The following CCR3 variants were observed in gnomAD, a reference collection of about 807,000 sequenced individuals.
CCR3 encodes C-C chemokine receptor type 3.
For missense variants in CCR3, 419 were observed against 437.5 expected, an observed-to-expected ratio of 0.96 and a Z score of 0.38; for synonymous variants, 203 against 179.2, an observed-to-expected ratio of 1.13 and a Z score of -1.06.
chr3:46,211,379 G>A (rs1575481270), intron 2 of CCR3, among the ~76,000 whole-genome samples: 1 of 127,748 alleles, frequency 7.8e-6, no homozygotes, highest in African/African-American at 4.0e-5. Context: ...GAAAAAATAT[G>A]TATATATATA....
chr3:46,245,697 TC>T lies in CCR3; in HGVS notation c.-12+3161del, dbSNP rs1255698872. Among the ~76,000 whole-genome samples, 3 of 152,034 alleles carry T rather than the reference TC, an allele frequency of 2.0e-5. No homozygotes were observed. In the East Asian group the frequency reaches 5.8e-4, roughly 29 times the overall value. On this transcript the variant is annotated intron_variant, in intron 1 of 1. Transcript: ENST00000395940. Reference sequence around the variant, plus strand: ...TAGTAGCCAATACTTGTTTTTCTGCTCCTCTCCCTCCTCCCACTCTCAAGTA... The same window carrying T: ...TAGTAGCCAATACTTGTTTTTCTGCTCTCTCCCTCCTCCCACTCTCAAGTA...
At chr3:46,259,089 G>A (rs541411019) in intron 1 of CCR3, among the ~76,000 whole-genome samples, 1 of 152,202 alleles carries the variant, frequency 6.6e-6, no homozygotes, top group Non-Finnish European at 1.5e-5. Context: ...GAGTGGCTGT[G>A]CAGCAACATG....
At chr3:46,235,050 T>G (rs1189025299) in intron 2 of CCR3, among the ~76,000 whole-genome samples, 1 of 152,210 alleles carries the variant, frequency 6.6e-6, no homozygotes, top group Non-Finnish European at 1.5e-5. Flanking sequence ...GCTTTTAAAT[T>G]GGTCAGATTT....
Position 46,265,515 on chromosome 3 carries a change from C to A in CCR3, c.357C>A (p.Ser119Arg). The A allele has an allele frequency of 2.5e-6, 4 of 1,614,086 alleles. No individual in the cohort carries two copies. The highest frequency in any genetic ancestry group is 3.4e-6 in the Non-Finnish European group (4 of 1,179,990). ...GGTTTTATCACACAGGCTTGTACAG[C>A]GAGATCTTTTTCATAATCCTGCTGA... The part of the protein sequence containing the change: ...LSGFYHTGLY[S>R]EIFFIILLTI... Residue 119 changes from serine to arginine, a missense_variant, in exon 2 of 2, where the codon AGC becomes AGA. By Grantham distance (110) the Ser-to-Arg change is moderately radical (BLOSUM62 -1). Transcript: ENST00000395940.
At chr3:46,239,669 A>G (rs1330042704), upstream of CCR3, among the ~76,000 whole-genome samples, 1 of 152,160 alleles carries the variant, frequency 6.6e-6, no homozygotes, top group Non-Finnish European at 1.5e-5. Context: ...AGGTCACTTG[A>G]TCTCAATTCC....
At chr3:46,234,022 G>A (rs924327973) in intron 2 of CCR3, among the ~76,000 whole-genome samples, 1 of 152,250 alleles carries the variant, frequency 6.6e-6, no homozygotes, top group Non-Finnish European at 1.5e-5. Context: ...CCCCGTCAAG[G>A]TAAGACAATG....
At chr3:46,254,247 C>T (rs572729462) in intron 1 of CCR3, among the ~76,000 whole-genome samples, 1 of 152,256 alleles carries the variant, frequency 6.6e-6, no homozygotes, top group East Asian at 1.9e-4. Flanking sequence ...CGACAACAAA[C>T]TCCCCTCTGA....
At chr3:46,238,715 ACTCT>A (rs1390936903), upstream of CCR3, among the ~76,000 whole-genome samples, 11 of 152,208 alleles carry the variant, frequency 7.2e-5, no homozygotes, top group South Asian at 2.1e-3. Flanking sequence ...TAGTCAAGGC[ACTCT>A]CTATTTCTCA....
At chr3:46,223,077 G>C (rs1339445429) in intron 2 of CCR3, among the ~76,000 whole-genome samples, 1 of 152,244 alleles carries the variant, frequency 6.6e-6, no homozygotes, top group Non-Finnish European at 1.5e-5. Flanking sequence ...TTTGAGGCCA[G>C]GTGTGTTGGC....
chr3:46,249,249 G>A, intron 1 of CCR3, among the ~76,000 whole-genome samples: 1 of 152,130 alleles, frequency 6.6e-6, no homozygotes. Flanking sequence ...AATAGTCAGG[G>A]AAGCAGATAA....
At chr3:46,213,738 C>A (rs1160066724) in intron 2 of CCR3, among the ~76,000 whole-genome samples, 8 of 152,206 alleles carry the variant, frequency 5.3e-5, no homozygotes, top group African/African-American at 1.9e-4. Flanking sequence ...CAGCCTCTGA[C>A]CACCACCTCC....
intron 1 of CCR3, among the ~76,000 whole-genome samples, chr3:46,248,233 CA>C (rs1700234874): frequency 6.6e-6 from 1 of 152,008 alleles, no homozygotes; most frequent in Non-Finnish European, 1.5e-5. Context: ...GGAGACTTAA[CA>C]AAGAGTGAGT....
At chr3:46,239,387 C>A (rs1363068904), upstream of CCR3, among the ~76,000 whole-genome samples, 1 of 152,192 alleles carries the variant, frequency 6.6e-6, no homozygotes, top group African/African-American at 2.4e-5. Flanking sequence ...TTTAACTCTG[C>A]AGAGATGTCA....
intron 1 of CCR3, among the ~76,000 whole-genome samples, chr3:46,259,433 C>T (rs1251638516): frequency 6.6e-6 from 1 of 152,090 alleles, no homozygotes; most frequent in Non-Finnish European, 1.5e-5. Context: ...ATATATACAA[C>T]ATATGGCTGA....
chr3:46,248,830 T>C (rs1176623151), intron 1 of CCR3, among the ~76,000 whole-genome samples: 1 of 151,994 alleles, frequency 6.6e-6, no homozygotes, highest in Non-Finnish European at 1.5e-5. Context: ...GAGGGAGGTA[T>C]TGAGGATAGG....
Position 46,264,425 on chromosome 3 carries a change from C to T in CCR3, c.-11-723C>T. 3 of 1,528,150 alleles carry T rather than the reference C, an allele frequency of 2.0e-6. No homozygotes were observed. The South Asian group carries it at 3.7e-5, about 19-fold the overall frequency. The allele number at this position is 1,528,150 out of a possible 1,614,324, so 94.7% of individuals were successfully genotyped here. On this transcript the variant is annotated intron_variant, in intron 1 of 1. Coordinates refer to ENST00000395940, the MANE Select transcript of CCR3 (RefSeq NM_178329.3). The stretch of plus-strand genomic sequence containing the variant: ...GATTATGCCATTTGGAATAAGAATG[C>T]TGTTAAGAGCACACAAGCCAGGTTC...
At chr3:46,234,887 G>T (rs1228816012) in intron 2 of CCR3, among the ~76,000 whole-genome samples, 3 of 152,214 alleles carry the variant, frequency 2.0e-5, no homozygotes, top group Non-Finnish European at 4.4e-5. Context: ...GCTACAGTGA[G>T]TGGTGAGGAT....
At position 46,223,149 on chromosome 3, in the gene CCR3, C is replaced by T. The variant is rs554565876; in HGVS notation, c.-68+12242C>T. On this transcript the variant is annotated intron_variant, in intron 2 of 3. Transcript: ENST00000357422. ...TGGGTGGATCATGAGGTCAGGAGTTCGAGACCAGCCTGGCCAATGTGGTGA... is the reference window on the plus strand; with the variant it reads ...TGGGTGGATCATGAGGTCAGGAGTTTGAGACCAGCCTGGCCAATGTGGTGA... Among the ~76,000 whole-genome samples the T allele has an allele frequency of 1.1e-4, 16 of 152,180 alleles. No individual in the cohort carries two copies. The East Asian group carries it at 1.9e-3, about 18-fold the overall frequency.
intron 1 of CCR3, among the ~76,000 whole-genome samples, chr3:46,252,605 G>A (rs112747501): frequency 2.5e-4 from 38 of 152,292 alleles, no homozygotes; most frequent in African/African-American, 8.2e-4. Flanking sequence ...AAGAAATGAA[G>A]GAAGGGAAGG....
Sources: allele counts gnomAD v4.1 joint callset (sites outside exome capture counted in the v4.1 genomes callset), GRCh38; gene constraint gnomAD v4.1.1; transcripts MANE v1.5; gene names NCBI Gene and HGNC (gene_info 2026-07-23, HGNC 2026-07-21).